The following RGS12 variants were observed in gnomAD, a reference collection of about 807,000 sequenced individuals.
RGS12 encodes regulator of G protein signaling 12.
In RGS12, 66 loss-of-function variants were observed where a neutral mutation model predicts 120.1. That is an observed-to-expected ratio of 0.55 (90% CI 0.45 to 0.67). The LOEUF (loss-of-function observed/expected upper bound fraction) is 0.67, where lower values mean the gene tolerates loss of function less well. RGS12 is among the 30% of genes least tolerant of loss of function. The pLI, the probability that RGS12 is intolerant of heterozygous loss-of-function variation, is 0.00. For missense variants in RGS12, 1,859 were observed against 1,957.7 expected (o/e 0.95, Z 0.95); for synonymous variants, 827 against 804.7 (o/e 1.03, Z -0.47).
rs987157067 is a variant in RGS12 at position 3,366,492 on chromosome 4, C to T, written c.1999-19924C>T. 6.6e-6 allele frequency among the ~76,000 whole-genome samples: 1 copy of T among 152,206 alleles called. No homozygotes were observed. Among genetic ancestry groups the T allele is most frequent in the Non-Finnish European group, 1.5e-5 (1 of 68,024 alleles). ...AGGCGCTCCTCCAGTTCCCGCCTCT[C>T]TGCCTCGCACGCCCTCCTAGCTGAG... On this transcript the variant is annotated intron_variant, in intron 3 of 17. Transcript: ENST00000336727. This position sits in a 1 kb window ranked among gnomAD's most constrained non-coding sequence, Gnocchi z 4.0.
intron 3 of RGS12, among the ~76,000 whole-genome samples, chr4:3,354,069 C>T (rs1714641229): frequency 6.6e-6 from 1 of 152,134 alleles, no homozygotes; most frequent in Admixed American, 6.5e-5. Context: ...AGAAATGGCT[C>T]ACATTTTTCA....
At chr4:3,356,092 C>A (rs1358455950) in intron 3 of RGS12, among the ~76,000 whole-genome samples, 1 of 140,788 alleles carries the variant, frequency 7.1e-6, no homozygotes, top group African/African-American at 2.6e-5. Context: ...CTTGCTCTGT[C>A]ACCCATGCTG....
chr4:3,416,312 G>A (rs1344157666), intron 7 of RGS12, among the ~76,000 whole-genome samples, 191 bp downstream of exon 7: 2 of 152,240 alleles, frequency 1.3e-5, no homozygotes, highest in African/African-American at 2.4e-5. Context: ...GGGGCTTTCA[G>A]TAGGGCCATG....
At position 3,403,398 on chromosome 4, in the gene RGS12, C is replaced by A. The variant is rs536936698; in HGVS notation, c.2021-10674C>A. 2.0e-4 allele frequency among the ~76,000 whole-genome samples: 31 copies of A among 152,266 alleles called. 1 individual carries two copies. In the South Asian group the frequency reaches 6.4e-3, roughly 32 times the overall value. ...GGGCTGTGAGGTCTGGCTGTGGGGG[C>A]CAGACTCACGGTCAGCCCAGAAAGT... is the stretch of plus-strand genomic sequence containing the variant. On this transcript the variant is annotated intron_variant, in intron 4 of 17. Transcript: ENST00000336727.
intron 3 of RGS12, chr4:3,386,078 AG>A (rs1718818602): frequency 3.0e-6 from 1 of 328,018 alleles, no homozygotes; most frequent in African/African-American, 2.1e-5. Context: ...GGCTGCCCCC[AG>A]TGTGTGTGTC....
chr4:3,418,538 C>A (rs994783050), intron 9 of RGS12: 2 of 152,346 alleles, frequency 1.3e-5, no homozygotes, highest in African/African-American at 4.8e-5. Flanking sequence ...GGGTGCTCTG[C>A]GCTCCGTGGC....
At position 3,393,998 on chromosome 4, in the gene RGS12, G is replaced by A. The variant is rs778174393; in HGVS notation, c.2020+7561G>A. On this transcript the variant is annotated intron_variant, in intron 4 of 17. Transcript: ENST00000336727. ...ATGGCTGGAATTTGGGGAGGAAGCT[G>A]CCCAGCCCAGGTTGGACTTGGCCTG... Among the ~76,000 whole-genome samples the A allele has an allele frequency of 3.3e-5, 5 of 152,258 alleles. No individual in the cohort carries two copies. In the East Asian group the frequency reaches 9.7e-4, roughly 29 times the overall value.
chr4:3,370,869 A>G (rs1330872876), intron 3 of RGS12, among the ~76,000 whole-genome samples: 1 of 152,360 alleles, frequency 6.6e-6, no homozygotes, highest in East Asian at 1.9e-4. Context: ...AAGATTTGAG[A>G]TGAAATAAAA....
chr4:3,422,514 G>C lies in RGS12; in HGVS notation c.2977G>C (p.Glu993Gln), dbSNP rs762050159. The C allele has an allele frequency of 9.9e-6, 16 of 1,612,778 alleles. No homozygotes were observed. In the Admixed American group the frequency reaches 2.5e-4, roughly 25 times the overall value. Residue 993 changes from glutamate to glutamine, a missense_variant, in exon 11 of 18, where the codon GAG becomes CAG. Coordinates refer to ENST00000336727, the MANE Select transcript of RGS12 (RefSeq NM_001394154.1). ...SIKDILSGLC[E>Q]RHGINGAAAD... ...CAAAGACATCCTGTCCGGACTCTGT[G>C]AGCGGCATGGCATCAACGGGGCGGC...
rs1042073869 is a variant in RGS12 at position 3,366,416 on chromosome 4, C to G, written c.1999-20000C>G. Among the ~76,000 whole-genome samples, 2 of 152,084 alleles carry G rather than the reference C, an allele frequency of 1.3e-5. No homozygotes were observed. Among genetic ancestry groups the G allele is most frequent in the African/African-American group, 2.4e-5 (1 of 41,388 alleles). On this transcript the variant is annotated intron_variant, in intron 3 of 17. Coordinates refer to ENST00000336727, the MANE Select transcript of RGS12 (RefSeq NM_001394154.1). This position sits in a 1 kb window ranked among gnomAD's most constrained non-coding sequence, Gnocchi z 4.0. ...TTAAGAGCAGGGAGAGAATCAGGGC[C>G]TGTGCTCATATCTGTGAGCTCTGCA...
At chr4:3,313,937 G>C (rs374173316) in intron 1 of RGS12, among the ~76,000 whole-genome samples, 74 of 152,052 alleles carry the variant, frequency 4.9e-4, no homozygotes, top group African/African-American at 1.6e-3. Flanking sequence ...TAAGAAGATC[G>C]ATCCCCAGAC....
intron 2 of RGS12, chr4:3,342,587 T>G: frequency 7.6e-7 from 1 of 1,313,664 alleles, no homozygotes; most frequent in Non-Finnish European, 9.9e-7. Context: ...GTGTACTGTG[T>G]CCACTTTCCA....
chr4:3,413,103 C>T (rs1259058942), intron 4 of RGS12: 2 of 57,266 alleles, frequency 3.5e-5, no homozygotes, highest in South Asian at 9.8e-4. Context: ...GGCGCCCCCA[C>T]ACTGCTCGCG....
intron 8 of RGS12, 142 bp from the exon 9 acceptor site, chr4:3,417,246 G>A: frequency 7.6e-7 from 1 of 1,310,320 alleles, no homozygotes; most frequent in Non-Finnish European, 1.0e-6. Flanking sequence ...CTGGAGTCCT[G>A]TCAGGGCCAC....
intron 4 of RGS12, among the ~76,000 whole-genome samples, chr4:3,410,642 T>G (rs1360889607): frequency 6.6e-6 from 1 of 152,212 alleles, no homozygotes; most frequent in Non-Finnish European, 1.5e-5. Flanking sequence ...GGGGTTGATC[T>G]GCGTTTGCTC....
chr4:3,417,717 A>C, intron 9 of RGS12, 176 bp downstream of exon 9: 1 of 652,308 alleles, frequency 1.5e-6, no homozygotes, highest in Admixed American at 3.1e-5. Context: ...TGGGGACACG[A>C]CCTGTCAGCC....
chr4:3,386,657 A>G (rs992625500), intron 4 of RGS12, among the ~76,000 whole-genome samples: 2 of 152,156 alleles, frequency 1.3e-5, no homozygotes. Flanking sequence ...GAGAACTGCC[A>G]TGGCCCTGAA....
chr4:3,301,595 C>T, intron 1 of RGS12, among the ~76,000 whole-genome samples: 1 of 150,764 alleles, frequency 6.6e-6, no homozygotes, highest in Non-Finnish European at 1.5e-5. Flanking sequence ...GGTCCGAGGG[C>T]CGGGGATGGA....
intron 2 of RGS12, among the ~76,000 whole-genome samples, chr4:3,342,048 G>A (rs977283400): frequency 1.1e-4 from 16 of 151,930 alleles, no homozygotes; most frequent in Non-Finnish European, 2.4e-4. Context: ...TGCTCCATCT[G>A]CTTCCAGAAA....
Sources: gnomAD v4.1 joint callset for allele counts (sites outside exome capture counted in the v4.1 genomes callset) on GRCh38, gnomAD v4.1.1 for gene constraint, Gnocchi (gnomAD v3.1) non-coding constraint, MANE v1.5 for transcripts, NCBI Gene and HGNC (gene_info 2026-07-23, HGNC 2026-07-21) for gene names.